The following AGBL4 variants were observed in gnomAD, a reference collection of about 807,000 sequenced individuals.
The protein encoded by AGBL4 is AGBL carboxypeptidase 4, also known as cytosolic carboxypeptidase 6.
A neutral mutation model predicts 66.4 loss-of-function variants in AGBL4; 58 were observed. The observed-to-expected ratio is 0.87, with a 90% CI of 0.71 to 1.09. The LOEUF (loss-of-function observed/expected upper bound fraction) is 1.09, where lower values mean the gene tolerates loss of function less well. Among genes scored for constraint, AGBL4 ranks in the 50% least tolerant of loss-of-function variants. AGBL4 has a pLI of 0.00. For synonymous variants in AGBL4, 234 were observed against 222.9 expected, an observed-to-expected ratio of 1.05 and a Z score of -0.44; for missense variants, 579 against 631.0, an observed-to-expected ratio of 0.92 and a Z score of 0.88.
intron 6 of AGBL4, among the ~76,000 whole-genome samples, chr1:48,673,950 T>C (rs968539019): frequency 2.0e-5 from 3 of 152,198 alleles, no homozygotes; most frequent in African/African-American, 7.2e-5. Context: ...TCCTCCCCTG[T>C]AGCCCATTTT....
chr1:48,688,513 T>G (rs940240855), intron 6 of AGBL4, among the ~76,000 whole-genome samples: 2 of 152,078 alleles, frequency 1.3e-5, no homozygotes, highest in African/African-American at 2.4e-5. Flanking sequence ...CATTGCTGAG[T>G]GTTTGTTGCT....
intron 6 of AGBL4, among the ~76,000 whole-genome samples, chr1:48,686,938 C>T (rs1170141674): frequency 6.6e-6 from 1 of 152,132 alleles, no homozygotes; most frequent in South Asian, 2.1e-4. Context: ...CATTGACAGG[C>T]CCCTGGGTGT....
intron 6 of AGBL4, among the ~76,000 whole-genome samples, chr1:48,820,763 A>G (rs1646293715): frequency 1.3e-5 from 2 of 152,170 alleles, no homozygotes; most frequent in South Asian, 4.1e-4. Context: ...AGGGGACTTA[A>G]TAAATGATAA....
chr1:49,259,471 G>C (rs925519883), intron 3 of AGBL4, among the ~76,000 whole-genome samples: 5 of 151,274 alleles, frequency 3.3e-5, no homozygotes, highest in African/African-American at 1.2e-4. Flanking sequence ...GATCTACCAA[G>C]CAAATGGAAA....
intron 2 of AGBL4, among the ~76,000 whole-genome samples, chr1:49,781,248 G>A (rs965954901): frequency 1.3e-5 from 2 of 151,964 alleles, no homozygotes; most frequent in African/African-American, 4.8e-5. Flanking sequence ...CAAAAACTTA[G>A]CCAGGTGTAG....
intron 5 of AGBL4, among the ~76,000 whole-genome samples, chr1:48,969,580 T>G (rs1448626384): frequency 6.6e-6 from 1 of 151,976 alleles, no homozygotes; most frequent in South Asian, 2.1e-4. Context: ...ACTGTTAGTA[T>G]TAGTCTTTCA....
intron 9 of AGBL4, among the ~76,000 whole-genome samples, chr1:48,597,687 G>C (rs908315625): frequency 7.0e-6 from 1 of 142,776 alleles, no homozygotes; most frequent in African/African-American, 2.6e-5. Flanking sequence ...AAAGGAAAGG[G>C]GAGAGGAGAG....
intron 1 of AGBL4, among the ~76,000 whole-genome samples, chr1:49,878,066 C>G (rs1256315604): frequency 6.6e-6 from 1 of 151,280 alleles, no homozygotes; most frequent in Non-Finnish European, 1.5e-5. Flanking sequence ...CTTTATTAGT[C>G]TTGCTAGCGG....
intron 3 of AGBL4, among the ~76,000 whole-genome samples, chr1:49,632,245 G>C (rs1183752614): frequency 6.6e-6 from 1 of 152,136 alleles, no homozygotes; most frequent in Non-Finnish European, 1.5e-5. Flanking sequence ...TAAAAACATG[G>C]AAACCCTTTT....
rs142714126 is a variant in AGBL4 at position 49,371,973 on chromosome 1, G to A, written c.283-126109C>T. Among the ~76,000 whole-genome samples, 219 of 151,832 alleles carry A rather than the reference G, an allele frequency of 1.4e-3. 1 individual carries two copies. The highest frequency in any genetic ancestry group is 6.8e-3 in the Middle Eastern group (2 of 294). On this transcript the variant is annotated intron_variant, in intron 3 of 13. Transcript: ENST00000371839. Reference sequence around the variant, plus strand: ...ATTTCTTTCTACTGGAACAAACTTCGATGAAAAATATACTGGAGGATAATG... The same window carrying A: ...ATTTCTTTCTACTGGAACAAACTTCAATGAAAAATATACTGGAGGATAATG...
chr1:48,742,811 G>A, intron 6 of AGBL4: 2 of 1,453,278 alleles, frequency 1.4e-6, no homozygotes, highest in Non-Finnish European at 9.1e-7. Context: ...GAACTCCAAG[G>A]AAAATAAAAG....
chr1:49,588,907 A>C (rs1345397200), intron 3 of AGBL4, among the ~76,000 whole-genome samples: 1 of 152,084 alleles, frequency 6.6e-6, no homozygotes, highest in African/African-American at 2.4e-5. Flanking sequence ...CCATTCTTCA[A>C]GTATGTTGAA....
intron 3 of AGBL4, among the ~76,000 whole-genome samples, chr1:49,564,518 G>C (rs559832193): frequency 2.0e-5 from 3 of 151,784 alleles, no homozygotes; most frequent in Non-Finnish European, 4.4e-5. Flanking sequence ...CTTTCTTCTC[G>C]TTGGTTTCAA....
At chr1:49,413,147 T>C (rs952478124) in intron 3 of AGBL4, among the ~76,000 whole-genome samples, 1 of 152,320 alleles carries the variant, frequency 6.6e-6, no homozygotes. Flanking sequence ...TACTGTCTCA[T>C]TGGGTGATTA....
At chr1:49,172,637 T>C (rs929125827) in intron 4 of AGBL4, among the ~76,000 whole-genome samples, 5 of 152,184 alleles carry the variant, frequency 3.3e-5, no homozygotes, top group Admixed American at 6.5e-5. Context: ...TCCTATACCA[T>C]GTTGTCCCAT....
chr1:49,498,960 T>C (rs1156503876), intron 3 of AGBL4, among the ~76,000 whole-genome samples: 2 of 152,208 alleles, frequency 1.3e-5, no homozygotes. Context: ...TTTAGGTTGC[T>C]AACATTTTGT....
intron 3 of AGBL4, among the ~76,000 whole-genome samples, chr1:49,276,652 C>T (rs1644173709): frequency 6.6e-6 from 1 of 152,140 alleles, no homozygotes. Flanking sequence ...AGAGCTACTA[C>T]CTGTGAGGTT....
intron 6 of AGBL4, among the ~76,000 whole-genome samples, chr1:48,687,402 G>A (rs186618726): frequency 1.3e-4 from 20 of 152,268 alleles, no homozygotes; most frequent in East Asian, 3.9e-4. Flanking sequence ...GCGGGTGGGC[G>A]GGTGCTCTTG....
At chr1:49,494,974 T>A (rs1222661466) in intron 3 of AGBL4, among the ~76,000 whole-genome samples, 1 of 152,080 alleles carries the variant, frequency 6.6e-6, no homozygotes, top group Non-Finnish European at 1.5e-5. Context: ...ATACTTTAAT[T>A]GTCATTTTTT....
Sources: gnomAD v4.1 joint callset for allele counts (sites outside exome capture counted in the v4.1 genomes callset) on GRCh38, gnomAD v4.1.1 for gene constraint, MANE v1.5 for transcripts, NCBI Gene and HGNC (gene_info 2026-07-23, HGNC 2026-07-21) for gene names.